The following EYS variants were observed in gnomAD, a reference collection of about 807,000 sequenced individuals.
EYS encodes the protein protein eyes shut homolog.
In EYS, 250 loss-of-function variants were observed where a neutral mutation model predicts 282.1. The ratio of observed to expected loss-of-function variants is 0.89; its 90% CI spans 0.80 to 0.98. The LOEUF (loss-of-function observed/expected upper bound fraction) is 0.98, where lower values mean the gene tolerates loss of function less well. Among genes scored for constraint, EYS ranks in the 50% least tolerant of loss-of-function variants. The pLI is 0.00. For missense variants in EYS, 4,016 were observed against 3,709.0 expected (o/e 1.08, Z -2.15); for synonymous variants, 1,355 against 1,282.9 (o/e 1.06, Z -1.20).
At chr6:63,834,026 G>T (rs533300680) in intron 36 of EYS, among the ~76,000 whole-genome samples, 74 of 152,270 alleles carry the variant, frequency 4.9e-4, no homozygotes, top group African/African-American at 1.8e-3. Context: ...GCTGAAACTG[G>T]ATTCCTTCCT....
At chr6:64,330,141 G>A (rs1770585535) in intron 29 of EYS, among the ~76,000 whole-genome samples, 1 of 152,136 alleles carries the variant, frequency 6.6e-6, no homozygotes, top group South Asian at 2.1e-4. Context: ...TGCTTTCAAG[G>A]CACAGAAAGC....
At chr6:65,148,858 G>A (rs6913181) in intron 12 of EYS, among the ~76,000 whole-genome samples, 33,270 of 152,000 alleles carry the variant, frequency 0.22, 4,272 homozygotes, top group East Asian at 0.41. Flanking sequence ...CCACATGGAA[G>A]CCACCAAAGC....
chr6:64,615,634 A>C (rs1660575776), intron 24 of EYS, among the ~76,000 whole-genome samples: 3 of 152,106 alleles, frequency 2.0e-5, no homozygotes. Flanking sequence ...CTTTTTCAAT[A>C]AACTGAATTT....
intron 29 of EYS, among the ~76,000 whole-genome samples, chr6:64,312,481 A>C (rs1346938457): frequency 6.6e-6 from 1 of 152,174 alleles, no homozygotes; most frequent in Non-Finnish European, 1.5e-5. Context: ...TCCCTGACTG[A>C]CTACTCTAAA....
intron 22 of EYS, among the ~76,000 whole-genome samples, chr6:64,672,476 C>T (rs1257385818): frequency 1.3e-5 from 2 of 152,098 alleles, no homozygotes; most frequent in Non-Finnish European, 2.9e-5. Context: ...TCCCTCAAGC[C>T]TTTTAAAGTA....
rs539471575 is a variant in EYS at position 64,809,779 on chromosome 6, C to A, written c.3443+3599G>T. ...AAGTGGGAGCTAAACATTGAATACA[C>A]ATGATCATAAAGGTGGGAACAACAG... is the stretch of plus-strand genomic sequence containing the variant. On this transcript the variant is annotated intron_variant, in intron 22 of 42. Coordinates refer to ENST00000503581, the MANE Select transcript of EYS (RefSeq NM_001142800.2). Among the ~76,000 whole-genome samples, 58 of 152,116 alleles carry A rather than the reference C, an allele frequency of 3.8e-4. 1 individual carries two copies. The highest frequency in any genetic ancestry group is 1.3e-3 in the African/African-American group (56 of 41,518).
chr6:64,235,424 A>T (rs1311717478), intron 30 of EYS, among the ~76,000 whole-genome samples: 1 of 151,828 alleles, frequency 6.6e-6, no homozygotes, highest in Non-Finnish European at 1.5e-5. Context: ...TGAACTCATC[A>T]TTTTTTATGG....
chr6:63,773,793 C>A (rs1016665285), intron 40 of EYS, among the ~76,000 whole-genome samples: 1 of 152,106 alleles, frequency 6.6e-6, no homozygotes, highest in Non-Finnish European at 1.5e-5. Flanking sequence ...ACAGTCTGAG[C>A]AAAGGATGCT....
At chr6:63,727,574 T>G (rs905060603) in intron 41 of EYS, among the ~76,000 whole-genome samples, 12 of 149,462 alleles carry the variant, frequency 8.0e-5, no homozygotes, top group Non-Finnish European at 1.2e-4. Context: ...CCTGATTTAT[T>G]AAAGCCAGGA....
intron 12 of EYS, among the ~76,000 whole-genome samples, chr6:65,139,698 C>A (rs1230429988): frequency 6.6e-6 from 1 of 152,046 alleles, no homozygotes; most frequent in Non-Finnish European, 1.5e-5. Flanking sequence ...CGTTCTTAGC[C>A]AGAGAGGTGT....
intron 41 of EYS, among the ~76,000 whole-genome samples, chr6:63,739,379 G>A (rs1005794551): frequency 6.6e-6 from 1 of 152,118 alleles, no homozygotes; most frequent in Non-Finnish European, 1.5e-5. Context: ...GCTCTTTAGA[G>A]TCATTTCACA....
chr6:64,013,227 G>C (rs1768728966), intron 33 of EYS, among the ~76,000 whole-genome samples: 1 of 152,112 alleles, frequency 6.6e-6, no homozygotes, highest in Non-Finnish European at 1.5e-5. Context: ...CGAGATACTG[G>C]AGATTTTCCA....
intron 26 of EYS, among the ~76,000 whole-genome samples, chr6:64,577,256 T>C (rs1376196225): frequency 6.6e-6 from 1 of 152,124 alleles, no homozygotes; most frequent in Non-Finnish European, 1.5e-5. Context: ...AGAAGACTAA[T>C]ATGTTACATT....
intron 12 of EYS, among the ~76,000 whole-genome samples, chr6:65,246,136 T>C (rs1047391952): frequency 6.6e-6 from 1 of 152,264 alleles, no homozygotes; most frequent in East Asian, 1.9e-4. Flanking sequence ...TACTATGTAA[T>C]AGCAATAATT....
At chr6:64,656,544 G>A (rs562137779) in intron 22 of EYS, among the ~76,000 whole-genome samples, 2 of 152,286 alleles carry the variant, frequency 1.3e-5, no homozygotes, top group South Asian at 4.1e-4. Context: ...GAGTAAGTTG[G>A]TAGATGAAAG....
At chr6:64,587,389 C>T (rs902427504) in intron 26 of EYS, among the ~76,000 whole-genome samples, 3 of 152,086 alleles carry the variant, frequency 2.0e-5, no homozygotes, top group East Asian at 1.9e-4. Flanking sequence ...GGCAGTGTCA[C>T]GGAAACCATT....
intron 30 of EYS, among the ~76,000 whole-genome samples, chr6:64,282,005 A>G (rs1033098513): frequency 6.6e-6 from 1 of 152,264 alleles, no homozygotes; most frequent in African/African-American, 2.4e-5. Context: ...TGGTGAGAGA[A>G]TGCATTGACT....
intron 5 of EYS, among the ~76,000 whole-genome samples, chr6:65,449,897 T>A (rs538816412): frequency 4.9e-4 from 74 of 152,204 alleles, no homozygotes; most frequent in African/African-American, 1.7e-3. Context: ...CTCTTCCTCA[T>A]TTTAGATGCT....
Position 63,982,304 on chromosome 6 carries a change from G to T in EYS, c.7055+2079C>A, listed in dbSNP as rs140521069. Reference sequence around the variant, plus strand: ...CACAGTTTCCATGAGCCAAGTTTGGGCATGGATTCACTGGATTTTCTGCAT... The same window carrying T: ...CACAGTTTCCATGAGCCAAGTTTGGTCATGGATTCACTGGATTTTCTGCAT... On this transcript the variant is annotated intron_variant, in intron 35 of 42. Transcript: ENST00000503581. 1.5e-3 allele frequency among the ~76,000 whole-genome samples: 231 copies of T among 151,890 alleles called. 1 individual carries two copies. The highest frequency in any genetic ancestry group is 2.2e-3 in the Non-Finnish European group (148 of 67,838).
Sources: allele counts gnomAD v4.1 joint callset (sites outside exome capture counted in the v4.1 genomes callset), GRCh38; gene constraint gnomAD v4.1.1; transcripts MANE v1.5; gene names NCBI Gene and HGNC (gene_info 2026-07-23, HGNC 2026-07-21).